The following KCNH5 variants were observed in gnomAD, a reference collection of about 807,000 sequenced individuals.
KCNH5 encodes potassium voltage-gated channel subfamily H member 5.
KCNH5 carries 46 observed loss-of-function variants against 96.1 expected under a neutral mutation model. The observed-to-expected ratio is 0.48, with a 90% CI of 0.38 to 0.61. The LOEUF (loss-of-function observed/expected upper bound fraction) is 0.61. Among genes scored for constraint, KCNH5 ranks in the 20% least tolerant of loss-of-function variants. KCNH5 has a pLI of 0.00. For missense variants in KCNH5, 907 were observed against 1,225.8 expected (o/e 0.74, Z 3.88); for synonymous variants, 439 against 449.8 (o/e 0.98, Z 0.30).
intron 1 of KCNH5, among the ~76,000 whole-genome samples, chr14:63,029,316 A>C (rs1468419193): frequency 6.6e-6 from 1 of 152,142 alleles, no homozygotes; most frequent in African/African-American, 2.4e-5. Flanking sequence ...TTCTGCAAAA[A>C]AGCTGGTGAG....
intron 10 of KCNH5, among the ~76,000 whole-genome samples, chr14:62,759,694 T>C (rs1204385012): frequency 6.6e-6 from 1 of 152,110 alleles, no homozygotes; most frequent in African/African-American, 2.4e-5. Flanking sequence ...TCATCACCAC[T>C]GTTACCAACC....
intron 10 of KCNH5, among the ~76,000 whole-genome samples, chr14:62,776,920 CAT>C (rs1484274927): frequency 6.6e-6 from 1 of 152,208 alleles, no homozygotes; most frequent in Non-Finnish European, 1.5e-5. Context: ...ACTGGATACA[CAT>C]GTGTGGCCAG....
At chr14:62,760,521 G>A (rs2139955090) in intron 10 of KCNH5, among the ~76,000 whole-genome samples, 1 of 152,314 alleles carries the variant, frequency 6.6e-6, no homozygotes, top group African/African-American at 2.4e-5. Context: ...TTTCCTAAAG[G>A]ACTGTGTCTC....
chr14:62,889,158 C>G (rs1483026808), intron 7 of KCNH5, among the ~76,000 whole-genome samples: 1 of 152,032 alleles, frequency 6.6e-6, no homozygotes, highest in Non-Finnish European at 1.5e-5. Flanking sequence ...AGTTATGTAC[C>G]TGATGACAAA....
intron 8 of KCNH5, among the ~76,000 whole-genome samples, chr14:62,835,499 A>G (rs1887446854): frequency 6.6e-6 from 1 of 152,060 alleles, no homozygotes; most frequent in Admixed American, 6.6e-5. Context: ...ATATTACCCA[A>G]TTAATGTAAT....
intron 7 of KCNH5, among the ~76,000 whole-genome samples, chr14:62,886,472 G>C (rs1888600321): frequency 6.6e-6 from 1 of 152,194 alleles, no homozygotes; most frequent in African/African-American, 2.4e-5. Flanking sequence ...GGCATGACAG[G>C]GTTTCTTATG....
At chr14:62,750,298 C>A (rs2139944127) in intron 10 of KCNH5, among the ~76,000 whole-genome samples, 1 of 152,324 alleles carries the variant, frequency 6.6e-6, no homozygotes, top group Admixed American at 6.5e-5. Flanking sequence ...GGAAGCTCTT[C>A]CCAAATGAGT....
chr14:62,863,355 G>C (rs1176772950), intron 7 of KCNH5, among the ~76,000 whole-genome samples: 1 of 152,140 alleles, frequency 6.6e-6, no homozygotes, highest in Non-Finnish European at 1.5e-5. Context: ...AAAGTACTCT[G>C]ACATGCCAGT....
chr14:63,003,140 G>A (rs1398667030), intron 3 of KCNH5, among the ~76,000 whole-genome samples: 2 of 152,018 alleles, frequency 1.3e-5, no homozygotes, highest in Non-Finnish European at 2.9e-5. Flanking sequence ...TGTGAAAACC[G>A]CAACTTTTCA....
At chr14:62,887,643 G>T (rs1316826228) in intron 7 of KCNH5, among the ~76,000 whole-genome samples, 5 of 152,058 alleles carry the variant, frequency 3.3e-5, no homozygotes, top group African/African-American at 1.2e-4. Context: ...TGAAGCTGGG[G>T]TCAGAATATA....
At chr14:62,746,277 A>G (rs1885373992) in intron 10 of KCNH5, among the ~76,000 whole-genome samples, 1 of 152,246 alleles carries the variant, frequency 6.6e-6, no homozygotes. Context: ...CAAGGCATGC[A>G]AATGTTGATT....
intron 7 of KCNH5, among the ~76,000 whole-genome samples, chr14:62,945,725 C>T (rs968023820): frequency 1.3e-5 from 2 of 151,942 alleles, no homozygotes; most frequent in African/African-American, 2.4e-5. Flanking sequence ...GAGGCGATAC[C>T]GTGGAGAGCC....
rs1409583301 is a variant in KCNH5 at position 62,803,106 on chromosome 14, G to A, written c.1570-525C>T. 9.2e-5 allele frequency among the ~76,000 whole-genome samples: 14 copies of A among 152,252 alleles called. 1 individual carries two copies. Among genetic ancestry groups the A allele is most frequent in the Admixed American group, 6.5e-4 (10 of 15,292 alleles). On this transcript the variant is annotated intron_variant, in intron 8 of 10. Coordinates refer to ENST00000322893, the MANE Select transcript of KCNH5 (RefSeq NM_139318.5). ...ACAGAGATTGCAGTGAGCCAAGGTC[G>A]TGCCACTGCACTCCAGCCTGAGTGA...
intron 10 of KCNH5, among the ~76,000 whole-genome samples, chr14:62,709,629 T>G (rs1884528168): frequency 6.6e-6 from 1 of 152,204 alleles, no homozygotes; most frequent in African/African-American, 2.4e-5. Flanking sequence ...ATAGTACAGG[T>G]GAGGGGTTAG....
intron 10 of KCNH5, among the ~76,000 whole-genome samples, chr14:62,749,900 T>C (rs1885459469): frequency 6.6e-6 from 1 of 152,188 alleles, no homozygotes; most frequent in Non-Finnish European, 1.5e-5. Flanking sequence ...TAATTGTCGC[T>C]GTGAAAGATG....
chr14:62,932,239 G>A (rs1256413954), intron 7 of KCNH5, among the ~76,000 whole-genome samples: 2 of 152,028 alleles, frequency 1.3e-5, no homozygotes, highest in Admixed American at 6.6e-5. Context: ...GTGGGGATAA[G>A]AAAACTACAC....
At chr14:62,759,573 A>ATATATATATATATATATTT (rs1171935428) in intron 10 of KCNH5, among the ~76,000 whole-genome samples, 8 of 151,082 alleles carry the variant, frequency 5.3e-5, no homozygotes, top group Non-Finnish European at 1.0e-4. Flanking sequence ...CGTAGGGTAT[A>ATATATATATATATATATTT]TTTTTTAATA....
At chr14:62,970,051 A>G (rs1890376755) in intron 6 of KCNH5, among the ~76,000 whole-genome samples, 1 of 148,628 alleles carries the variant, frequency 6.7e-6, no homozygotes, top group South Asian at 2.1e-4. Flanking sequence ...GTCTAAAAAA[A>G]AAAAAAAAAA....
In KCNH5 at chr14:62,702,914, T is replaced by C. The variant is rs1467471334; in HGVS notation, c.*4594A>G. 6.6e-6 allele frequency: 1 copy of C among 151,974 alleles called. No homozygotes were observed. The highest frequency in any genetic ancestry group is 1.5e-5 in the Non-Finnish European group (1 of 67,854). 9.4% of individuals were successfully genotyped at this position (151,974 alleles called of 1,614,324 possible). On this transcript the variant is annotated 3_prime_UTR_variant, in exon 11 of 11. Transcript: ENST00000322893. ...TATCTTGAACAGGTCATGATTATTT[T>C]AATATAAAAAGTTGAAGGATGAACT...
Sources: gnomAD v4.1 joint callset for allele counts (sites outside exome capture counted in the v4.1 genomes callset) on GRCh38, gnomAD v4.1.1 for gene constraint, MANE v1.5 for transcripts, NCBI Gene and HGNC (gene_info 2026-07-23, HGNC 2026-07-21) for gene names.